Variants in GLI3 observed in about 807,000 individuals in gnomAD.
GLI3 encodes the protein transcription activator GLI3.
In GLI3, 20 loss-of-function variants were observed where a neutral mutation model predicts 100.8. That is an observed-to-expected ratio of 0.20 (90% CI 0.14 to 0.29). GLI3 has a LOEUF of 0.29. GLI3 is among the 10% of genes least tolerant of loss of function. The pLI, the probability that GLI3 is intolerant of heterozygous loss-of-function variation, is 1.00. For missense variants in GLI3, 2,040 were observed against 2,128.5 expected (o/e 0.96, Z 0.82); for synonymous variants, 938 against 860.5 (o/e 1.09, Z -1.58).
intron 1 of GLI3, among the ~76,000 whole-genome samples, chr7:42,257,747 A>T (rs1789100099): frequency 7.0e-6 from 1 of 143,726 alleles, no homozygotes; most frequent in African/African-American, 2.9e-5. Flanking sequence ...TTGTTTTTTA[A>T]AAAAAAAATC....
intron 10 of GLI3, among the ~76,000 whole-genome samples, chr7:42,004,979 T>C (rs1471226564): frequency 1.3e-5 from 2 of 152,204 alleles, no homozygotes; most frequent in African/African-American, 4.8e-5. Flanking sequence ...CAAAGAGGTT[T>C]ATTATTTCTG....
At chr7:42,068,141 C>A (rs999006260) in intron 4 of GLI3, among the ~76,000 whole-genome samples, 2 of 152,228 alleles carry the variant, frequency 1.3e-5, no homozygotes, top group Non-Finnish European at 2.9e-5. Context: ...TGTGTAGACA[C>A]ACACAAGAGA....
chr7:42,188,990 G>A (rs1004711036), intron 2 of GLI3, among the ~76,000 whole-genome samples: 8 of 152,096 alleles, frequency 5.3e-5, no homozygotes, highest in African/African-American at 1.9e-4. Flanking sequence ...AGTAATCTAT[G>A]GACTTTGGGT....
At chr7:42,199,481 G>T (rs893280169) in intron 2 of GLI3, among the ~76,000 whole-genome samples, 1 of 152,202 alleles carries the variant, frequency 6.6e-6, no homozygotes, top group South Asian at 2.1e-4. Flanking sequence ...CACCAAGCAG[G>T]TTACAGTCCC....
rs1304190513 is a variant in GLI3, at chr7:42,076,798, C to T, written c.427G>A (p.Glu143Lys). ...GATGGATCGTAATGGTAACGGCCCTCATGATGTCTGGCATCAATTGGTACA... is the reference window on the plus strand; with the variant it reads ...GATGGATCGTAATGGTAACGGCCCTTATGATGTCTGGCATCAATTGGTACA... ...PPVPIDARHH[E>K]GRYHYDPSPI... is the part of the protein sequence containing the mutation. Residue 143 changes from glutamate to lysine, a missense_variant, in exon 4 of 15, where the codon GAG (glutamate) becomes AAG (lysine). Physicochemically the swap from Glu to Lys is moderately conservative, Grantham distance 56. This residue lies in a region of GLI3 where 603 missense variants were observed against 690.9 expected (regional missense o/e 0.87). Coordinates refer to ENST00000395925, the MANE Select transcript of GLI3 (RefSeq NM_000168.6). 1 of 1,613,328 alleles carries T rather than the reference C, an allele frequency of 6.2e-7. No homozygotes were observed. Among genetic ancestry groups the T allele is most frequent in the Non-Finnish European group, 8.5e-7 (1 of 1,179,252 alleles).
At position 42,093,313 on chromosome 7, in the gene GLI3, C is replaced by A. The variant is rs201053879; in HGVS notation, c.368-16456G>T. ...AGAATCACTTGAACCCGGGAGGCGG[C>A]GGTTGCAGTGAGCTGAGATCGCCCT... On this transcript the variant is annotated intron_variant, in intron 3 of 14. Coordinates refer to ENST00000395925, the MANE Select transcript of GLI3 (RefSeq NM_000168.6). Among the ~76,000 whole-genome samples, 11 of 145,612 alleles carry A rather than the reference C, an allele frequency of 7.6e-5. No homozygotes were observed. In the South Asian group the frequency reaches 2.5e-3, roughly 34 times the overall value.
rs1211434589 is a variant in GLI3, at chr7:42,148,133, GCGCACA to G, written c.367+87_367+92del. On this transcript the variant is annotated intron_variant, in intron 3 of 14. Coordinates refer to ENST00000395925, the MANE Select transcript of GLI3 (RefSeq NM_000168.6). ...TATACAAGCCAAAACTTCATAAAGCGCGCACACACACACACACACACACACACACAC... is the reference window on the plus strand; with the variant it reads ...TATACAAGCCAAAACTTCATAAAGCGCACACACACACACACACACACACAC... 1.8e-4 allele frequency: 204 copies of G among 1,149,046 alleles called. 2 individuals are homozygous for G. In the African/African-American group the frequency reaches 3.0e-3, roughly 17 times the overall value. 71.2% of individuals were successfully genotyped at this position (1,149,046 alleles called of 1,614,324 possible).
In GLI3 at chr7:42,223,124, G is replaced by C. The variant is rs766313790; in HGVS notation, c.124+6C>G. The C allele has an allele frequency of 1.2e-6, 2 of 1,613,664 alleles. No homozygotes were observed. Among genetic ancestry groups the C allele is most frequent in the Non-Finnish European group, 1.7e-6 (2 of 1,179,734 alleles). ...CTGGGCTGCTGGTAATCCCTGTGCT[G>C]CTCACCATTAGAAGTGGTGCTGGAG... On this transcript the variant is annotated splice_donor_region_variant and intron_variant, in intron 2 of 14. Coordinates refer to ENST00000395925, the MANE Select transcript of GLI3 (RefSeq NM_000168.6).
At chr7:42,012,277 A>T (rs1041562129) in intron 10 of GLI3, among the ~76,000 whole-genome samples, 3 of 152,182 alleles carry the variant, frequency 2.0e-5, no homozygotes, top group Non-Finnish European at 1.5e-5. Context: ...AGGTACTGAT[A>T]GCGACAAGCC....
At chr7:42,109,958 T>C (rs979307772) in intron 3 of GLI3, among the ~76,000 whole-genome samples, 3 of 152,228 alleles carry the variant, frequency 2.0e-5, no homozygotes, top group Non-Finnish European at 4.4e-5. Flanking sequence ...TAGGATACTT[T>C]TTTTATAGAA....
intron 3 of GLI3, among the ~76,000 whole-genome samples, chr7:42,102,323 G>A (rs1022866643): frequency 2.6e-5 from 4 of 152,128 alleles, no homozygotes; most frequent in South Asian, 2.1e-4. Flanking sequence ...GATAGCAGAC[G>A]GCCTCTGCTG....
At chr7:42,123,781 G>T (rs1786059194) in intron 3 of GLI3, among the ~76,000 whole-genome samples, 1 of 152,102 alleles carries the variant, frequency 6.6e-6, no homozygotes, top group Non-Finnish European at 1.5e-5. Context: ...TTACCAACTG[G>T]GAACTTGAAG....
At chr7:42,113,635 T>G in intron 3 of GLI3, 1 of 936,176 alleles carries the variant, frequency 1.1e-6, no homozygotes, top group Non-Finnish European at 1.7e-6. Flanking sequence ...GTGTCTGCAT[T>G]TTTGATAACT....
At chr7:42,068,273 C>T (rs574495738) in intron 4 of GLI3, among the ~76,000 whole-genome samples, 2 of 152,316 alleles carry the variant, frequency 1.3e-5, no homozygotes, top group East Asian at 1.9e-4. Context: ...GCCAGTAAGC[C>T]GTTTAACTTG....
At chr7:41,968,864 T>C (rs1174048479) in intron 13 of GLI3, among the ~76,000 whole-genome samples, 1 of 152,160 alleles carries the variant, frequency 6.6e-6, no homozygotes, top group Non-Finnish European at 1.5e-5. Context: ...CTTAGTGTAC[T>C]CCCTAATAGT....
intron 4 of GLI3, among the ~76,000 whole-genome samples, chr7:42,066,591 C>T (rs1784680039): frequency 6.6e-6 from 1 of 152,168 alleles, no homozygotes. Context: ...CCCCACATTC[C>T]AGAGGATGAA....
intron 1 of GLI3, among the ~76,000 whole-genome samples, chr7:42,256,267 A>T (rs7803340): frequency 2.6e-5 from 4 of 151,966 alleles, no homozygotes; most frequent in Admixed American, 2.0e-4. Context: ...CAGTTGAAGC[A>T]CAAAAGTTTT....
At chr7:42,102,917 C>T in intron 3 of GLI3, among the ~76,000 whole-genome samples, 1 of 152,220 alleles carries the variant, frequency 6.6e-6, no homozygotes, top group East Asian at 1.9e-4. Flanking sequence ...ATACAGCAAA[C>T]TCAAAGCTTA....
chr7:42,078,330 T>C (rs751985648), intron 3 of GLI3, among the ~76,000 whole-genome samples: 2 of 152,222 alleles, frequency 1.3e-5, no homozygotes, highest in Non-Finnish European at 2.9e-5. Flanking sequence ...AAAGTTATAG[T>C]ACATTGCTTC....
Sources: allele counts gnomAD v4.1 joint callset (sites outside exome capture counted in the v4.1 genomes callset), GRCh38; gene constraint gnomAD v4.1.1; regional missense constraint gnomAD v4.1.1; transcripts MANE v1.5; gene names NCBI Gene and HGNC (gene_info 2026-07-23, HGNC 2026-07-21).